NHEJ1: variants seen among roughly 807,000 people sequenced by gnomAD.
The protein encoded by NHEJ1 is non-homologous end joining factor 1, also known as non-homologous end-joining factor 1.
In NHEJ1, 22 loss-of-function variants were observed where a neutral mutation model predicts 39.4. That is an observed-to-expected ratio of 0.56 (90% CI 0.40 to 0.80). The LOEUF is 0.80. Among genes scored for constraint, NHEJ1 ranks in the 30% least tolerant of loss-of-function variants. The pLI is 0.00. For synonymous variants in NHEJ1, 154 were observed against 135.6 expected (o/e 1.14, Z -0.94); for missense variants, 329 against 357.1 (o/e 0.92, Z 0.63).
At chr2:219,119,795 C>A (rs953172919) in intron 5 of NHEJ1, among the ~76,000 whole-genome samples, 2 of 152,170 alleles carry the variant, frequency 1.3e-5, no homozygotes, top group Admixed American at 1.3e-4. Flanking sequence ...CTGGAGAAAT[C>A]CAGTGCTCCA....
intron 5 of NHEJ1, among the ~76,000 whole-genome samples, chr2:219,082,278 G>C (rs1382510438): frequency 6.6e-6 from 1 of 152,218 alleles, no homozygotes; most frequent in Non-Finnish European, 1.5e-5. Flanking sequence ...GCAAACCAAA[G>C]TGACAGAAAC....
chr2:219,073,541 G>A lies in NHEJ1; in HGVS notation c.*2840C>T, dbSNP rs988367831. On this transcript the variant is annotated 3_prime_UTR_variant, in exon 8 of 8. Coordinates refer to ENST00000356853, the MANE Select transcript of NHEJ1 (RefSeq NM_024782.3). ...ATGCCTGTCCTAGCTAACTATGGGG[G>A]ACCAGCCGGCAAGGCCAAGTAGGCC... Among the ~76,000 whole-genome samples, 2 of 152,206 alleles carry A rather than the reference G, an allele frequency of 1.3e-5. No individual in the cohort carries two copies. The highest frequency in any genetic ancestry group is 6.5e-5 in the Admixed American group (1 of 15,274).
intron 5 of NHEJ1, among the ~76,000 whole-genome samples, chr2:219,120,497 G>C (rs980403829): frequency 2.6e-5 from 4 of 152,158 alleles, no homozygotes; most frequent in Non-Finnish European, 5.9e-5. Flanking sequence ...ATAAAAAAGT[G>C]TTAATATTAT....
In NHEJ1 at chr2:219,076,299, T is replaced by A; in HGVS notation, c.*82A>T. The A allele has an allele frequency of 1.2e-6, 2 of 1,612,636 alleles. No homozygotes were observed. Among genetic ancestry groups the A allele is most frequent in the Non-Finnish European group, 8.5e-7 (1 of 1,179,380 alleles). ...TGACTGTATCACTATTTTAGAAATA[T>A]TGCTGCCATGTAAGCTTCTTTCAAG... On this transcript the variant is annotated 3_prime_UTR_variant, in exon 8 of 8. Coordinates refer to ENST00000356853, the MANE Select transcript of NHEJ1 (RefSeq NM_024782.3).
At chr2:219,095,284 A>G (rs776759269) in intron 5 of NHEJ1, 1 of 470,632 alleles carries the variant, frequency 2.1e-6, no homozygotes. Context: ...CATGATAAAA[A>G]GAGACCGATG....
At chr2:219,121,314 T>C (rs1472304027) in intron 5 of NHEJ1, among the ~76,000 whole-genome samples, 1 of 152,130 alleles carries the variant, frequency 6.6e-6, no homozygotes, top group East Asian at 1.9e-4. Context: ...ATAATTCAAG[T>C]TTATCCCTTC....
intron 5 of NHEJ1, among the ~76,000 whole-genome samples, chr2:219,129,817 C>CCA (rs1949560187): frequency 6.6e-6 from 1 of 152,228 alleles, no homozygotes; most frequent in African/African-American, 2.4e-5. Flanking sequence ...GCCAGCTCCG[C>CCA]CACCTTCACC....
At chr2:219,115,638 C>T (rs1949406689) in intron 5 of NHEJ1, among the ~76,000 whole-genome samples, 1 of 152,128 alleles carries the variant, frequency 6.6e-6, no homozygotes, top group Non-Finnish European at 1.5e-5. Context: ...CAATAAGCAC[C>T]CACCTCTTAA....
chr2:219,104,472 A>G (rs2106335492), intron 5 of NHEJ1, among the ~76,000 whole-genome samples: 1 of 152,328 alleles, frequency 6.6e-6, no homozygotes, highest in South Asian at 2.1e-4. Flanking sequence ...AGGGTGCAAG[A>G]TCTATCAAGG....
At position 219,069,648 on chromosome 2, in the gene NHEJ1, G is replaced by A. The variant is rs949146902; in HGVS notation, c.*6733C>T. 2 of 152,276 alleles carry A rather than the reference G, an allele frequency of 1.3e-5. No homozygotes were observed. The highest frequency in any genetic ancestry group is 2.1e-4 in the South Asian group (1 of 4,822). 9.4% of individuals were successfully genotyped at this position (152,276 alleles called of 1,614,324 possible). On this transcript the variant is annotated 3_prime_UTR_variant, in exon 8 of 8. Coordinates refer to ENST00000356853, the MANE Select transcript of NHEJ1 (RefSeq NM_024782.3). ...GCGGTCATCAAATGGAACTGAAGCAGGTAGAGAAAGTGGTTTCAAAAGGAT... is the reference window on the plus strand; with the variant it reads ...GCGGTCATCAAATGGAACTGAAGCAAGTAGAGAAAGTGGTTTCAAAAGGAT...
At chr2:219,157,811 A>G in intron 2 of NHEJ1, 127 bp from the exon 3 acceptor site, 1 of 783,550 alleles carries the variant, frequency 1.3e-6, no homozygotes, top group Non-Finnish European at 2.2e-6. Flanking sequence ...AGAGAAGATA[A>G]AAACATCACA....
chr2:219,144,274 A>G (rs1949715905), intron 5 of NHEJ1, among the ~76,000 whole-genome samples: 1 of 152,168 alleles, frequency 6.6e-6, no homozygotes. Context: ...CTTATTGAAG[A>G]CTTACTACCT....
chr2:219,098,359 T>C (rs1265075724), intron 5 of NHEJ1, among the ~76,000 whole-genome samples: 2 of 152,120 alleles, frequency 1.3e-5, no homozygotes, highest in South Asian at 2.1e-4. Context: ...AATACTAATA[T>C]AACAATCTTA....
At position 219,074,601 on chromosome 2, in the gene NHEJ1, G is replaced by A. The variant is rs868055826; in HGVS notation, c.*1780C>T. Among the ~76,000 whole-genome samples, 4 of 151,876 alleles carry A rather than the reference G, an allele frequency of 2.6e-5. No individual in the cohort carries two copies. The highest frequency in any genetic ancestry group is 7.3e-5 in the African/African-American group (3 of 41,308). ...TCTACAAAAAATACAAAAATTAGCC[G>A]GGCTTGGTGGCAGGCATCTAATCCC... On this transcript the variant is annotated 3_prime_UTR_variant, in exon 8 of 8. Coordinates refer to ENST00000356853, the MANE Select transcript of NHEJ1 (RefSeq NM_024782.3).
intron 2 of NHEJ1, 87 bp downstream of exon 2, chr2:219,158,099 C>G: frequency 7.2e-7 from 1 of 1,393,576 alleles, no homozygotes; most frequent in Non-Finnish European, 1.0e-6. Flanking sequence ...TGTCTCAACC[C>G]GATTCAACCT....
intron 2 of NHEJ1, 137 bp downstream of exon 2, chr2:219,158,049 G>C: frequency 2.8e-6 from 2 of 722,830 alleles, no homozygotes; most frequent in Non-Finnish European, 2.4e-6. Flanking sequence ...AAAGATTCCA[G>C]GCAGAAGTAC....
intron 5 of NHEJ1, among the ~76,000 whole-genome samples, chr2:219,121,868 G>C (rs1372633346): frequency 6.6e-6 from 1 of 151,804 alleles, no homozygotes; most frequent in African/African-American, 2.4e-5. Flanking sequence ...AACCTGAAGA[G>C]CTCAACTAAT....
At chr2:219,086,225 T>C (rs1288507968) in intron 5 of NHEJ1, among the ~76,000 whole-genome samples, 1 of 152,198 alleles carries the variant, frequency 6.6e-6, no homozygotes, top group African/African-American at 2.4e-5. Flanking sequence ...TCTTATTTAC[T>C]TGTCATGACT....
intron 1 of NHEJ1, among the ~76,000 whole-genome samples, chr2:219,159,558 TATATGC>T (rs1276395422): frequency 6.5e-5 from 1 of 15,320 alleles, no homozygotes; most frequent in South Asian, 2.2e-3. Context: ...TATGCATATA[TATATGC>T]ATATATATAT....
Sources: gnomAD v4.1 joint callset for allele counts (sites outside exome capture counted in the v4.1 genomes callset) on GRCh38, gnomAD v4.1.1 for gene constraint, MANE v1.5 for transcripts, NCBI Gene and HGNC (gene_info 2026-07-23, HGNC 2026-07-21) for gene names.